Variants in HUWE1 observed in about 807,000 individuals in gnomAD.
HUWE1 encodes the protein HECT, UBA and WWE domain containing E3 ubiquitin protein ligase 1.
HUWE1 carries 18 observed loss-of-function variants against 299.4 expected under a neutral mutation model. That is an observed-to-expected ratio of 0.06 (90% CI 0.04 to 0.09). HUWE1 has a LOEUF of 0.09. HUWE1 is among the 10% of genes least tolerant of loss of function. The probability of loss-of-function intolerance (pLI) is 1.00; values close to 1 mark genes in which losing one functional copy is unlikely to be tolerated. For missense variants in HUWE1, 1,832 were observed against 3,462.3 expected, an observed-to-expected ratio of 0.53 and a Z score of 11.82; for synonymous variants, 1,317 against 1,286.1, an observed-to-expected ratio of 1.02 and a Z score of -0.51.
At chrX:53,636,857 A>G (rs1557026823) in intron 7 of HUWE1, among the ~76,000 whole-genome samples, 1 of 112,590 alleles carries the variant, frequency 8.9e-6, no homozygotes, top group Non-Finnish European at 1.9e-5. Context: ...TGAGATAACC[A>G]TAGATGGCAC....
rs782435818 is a variant in HUWE1 at position 53,536,287 on chromosome X, C to T, written c.12426-35G>A. 6 of 1,147,741 alleles carry T rather than the reference C, an allele frequency of 5.2e-6. No individual in the cohort carries two copies. The South Asian group carries it at 5.4e-5, about 10-fold the overall frequency. The allele number at this position is 1,147,741 out of a possible 1,213,427, so 94.6% of individuals were successfully genotyped here. On this transcript the variant is annotated intron_variant, in intron 79 of 83. Transcript: ENST00000262854. ...CACAATTATACAGGGTCATGGTTTG[C>T]GAGTGGGGGGGAAGAAGGAGCACAA...
intron 2 of HUWE1, chrX:53,680,524 A>C (rs1337284424): frequency 3.5e-5 from 4 of 115,376 alleles, no homozygotes; most frequent in African/African-American, 1.3e-4. Context: ...CTGTGAAAAA[A>C]AACAACAACT....
At chrX:53,546,028 A>G (rs782550636) in intron 70 of HUWE1, among the ~76,000 whole-genome samples, 9 of 111,822 alleles carry the variant, frequency 8.0e-5, no homozygotes, top group African/African-American at 2.9e-4. Flanking sequence ...AAAAGCAGAG[A>G]GTACTATTCT....
intron 15 of HUWE1, 123 bp from the exon 16 acceptor site, chrX:53,628,002 T>C: frequency 3.3e-6 from 2 of 614,579 alleles, no homozygotes; most frequent in South Asian, 2.6e-5. Context: ...GGGGAAAACA[T>C]GTGTTTTATT....
In HUWE1 at chrX:53,532,708, A is replaced by G. The variant is rs2060825473; in HGVS notation, c.*601T>C. Reference sequence around the variant, plus strand: ...GCAGGGATGGTTTCCTGGAGAATCCATCTTTTCTCCAGATGCCTAGCATGT... The same window carrying G: ...GCAGGGATGGTTTCCTGGAGAATCCGTCTTTTCTCCAGATGCCTAGCATGT... On this transcript the variant is annotated 3_prime_UTR_variant, in exon 84 of 84. Transcript: ENST00000262854. 9.1e-6 allele frequency: 1 copy of G among 109,961 alleles called. No individual in the cohort carries two copies. The highest frequency in any genetic ancestry group is 9.7e-5 in the Admixed American group (1 of 10,287). The allele number at this position is 109,961 out of a possible 1,213,427, so 9.1% of individuals were successfully genotyped here. A position where few individuals can be genotyped will look rare whatever the true frequency, so the allele number is the denominator to read the frequency against.
chrX:53,595,693 A>C (rs2064419433), intron 29 of HUWE1, among the ~76,000 whole-genome samples: 1 of 112,187 alleles, frequency 8.9e-6, no homozygotes, highest in African/African-American at 3.2e-5. Flanking sequence ...TATTTAAGTT[A>C]AATGATATCT....
chrX:53,629,669 G>A (rs1218755834), intron 12 of HUWE1, 53 bp from the exon 13 acceptor site: 1 of 805,722 alleles, frequency 1.2e-6, no homozygotes, highest in African/African-American at 2.0e-5. Flanking sequence ...TCAAGCCACT[G>A]CCCAATAACA....
intron 23 of HUWE1, among the ~76,000 whole-genome samples, chrX:53,614,246 CGA>C (rs1226512481): frequency 1.8e-5 from 2 of 110,340 alleles, no homozygotes; most frequent in Non-Finnish European, 3.8e-5. Context: ...GCATGGGCAA[CGA>C]GAGCAAAACT....
Position 53,591,021 on chromosome X carries a change from T to C in HUWE1, c.4074A>G (p.Pro1358=). The C allele has an allele frequency of 1.7e-6, 2 of 1,210,286 alleles. No individual in the cohort carries two copies. The highest frequency in any genetic ancestry group is 2.2e-6 in the Non-Finnish European group (2 of 894,663). The change falls in exon 34 of 84, where the codon CCA becomes CCG. Residue 1358 remains proline, a synonymous_variant. Coordinates refer to ENST00000262854, the MANE Select transcript of HUWE1 (RefSeq NM_031407.7). ...ATEYLLTHPP[P]IMGGVVRDLS... The stretch of plus-strand genomic sequence containing the variant: ...TTACCCGAACAACTCCTCCCATGAT[T>C]GGAGGAGGGTGGGTTAAAAGGTACT...
At chrX:53,632,077 G>A (rs782308114) in intron 9 of HUWE1, 1 of 342,784 alleles carries the variant, frequency 2.9e-6, no homozygotes, top group African/African-American at 2.6e-5. Flanking sequence ...AAACTCTTTA[G>A]TACCTCCTCA....
intron 4 of HUWE1, among the ~76,000 whole-genome samples, chrX:53,650,579 T>A (rs76012321): frequency 8.9e-6 from 1 of 112,525 alleles, no homozygotes; most frequent in African/African-American, 3.2e-5. Context: ...AGCACAACGT[T>A]AAGATATAAG....
intron 68 of HUWE1, 32 bp downstream of exon 68, chrX:53,547,641 C>G: frequency 8.3e-7 from 1 of 1,206,893 alleles, no homozygotes; most frequent in Admixed American, 2.2e-5. Flanking sequence ...ACAGTATATA[C>G]CCCACAGCTC....
In HUWE1 at chrX:53,549,490, A is replaced by G. The variant is rs781884081; in HGVS notation, c.9504T>C (p.Asn3168=). 1 of 1,206,872 alleles carries G rather than the reference A, an allele frequency of 8.3e-7. No individual in the cohort carries two copies. Among genetic ancestry groups the G allele is most frequent in the Non-Finnish European group, 1.1e-6 (1 of 894,536 alleles). ...SSSHNRPSGS[N]VDTLLRLRGR... ...CTCGGAGGCGGAGGAGAGTATCTAC[A>G]TTACTGCCAGAAGGCCTGGAAACAG... The change falls in exon 67 of 84, where the codon AAT becomes AAC. Residue 3168 remains asparagine (N), a synonymous_variant. Transcript: ENST00000262854.
chrX:53,539,795 GTGGGGT>G lies in HUWE1; in HGVS notation c.11488_11493del (p.Thr3830_Pro3831del). The G allele has an allele frequency of 1.7e-6, 2 of 1,210,141 alleles. No homozygotes were observed. Among genetic ancestry groups the G allele is most frequent in the Non-Finnish European group, 2.2e-6 (2 of 894,408 alleles). Reference sequence around the variant, plus strand: ...CTTTCTTCCTTTTCCTTCTCCCCCTGTGGGGTTCCATCGGAGGCTGGAGGGCACACA... The same window carrying G: ...CTTTCTTCCTTTTCCTTCTCCCCCTGTCCATCGGAGGCTGGAGGGCACACA... On this transcript the variant is annotated inframe_deletion, in exon 75 of 84. Coordinates refer to ENST00000262854, the MANE Select transcript of HUWE1 (RefSeq NM_031407.7).
In HUWE1 at chrX:53,543,848, G is replaced by T. The variant is rs2061447789; in HGVS notation, c.11372C>A (p.Ala3791Glu). Residue 3791 changes from alanine (A) to glutamate (E), a missense_variant, in exon 73 of 84, where the codon GCA becomes GAA. Ala to Glu is a moderately radical substitution (Grantham distance 107). Coordinates refer to ENST00000262854, the MANE Select transcript of HUWE1 (RefSeq NM_031407.7). ...EGQRARRQQQ[A>E]ATSESSQSEA... is the part of the protein sequence containing the mutation. ...CACAGGCATCATGCTAACCGTTGCT[G>T]CTTGTTGCTGTCTCCGCGCCCTTTG... The T allele has an allele frequency of 8.3e-7, 1 of 1,209,753 alleles. No homozygotes were observed. Among genetic ancestry groups the T allele is most frequent in the Non-Finnish European group, 1.1e-6 (1 of 894,849 alleles).
chrX:53,547,704 A>T lies in HUWE1; in HGVS notation c.10605T>A (p.Thr3535=), dbSNP rs1238940917. 1.7e-6 allele frequency: 2 copies of T among 1,209,833 alleles called. No individual in the cohort carries two copies. The highest frequency in any genetic ancestry group is 3.5e-5 in the African/African-American group (2 of 57,757). Residue 3535 remains threonine (T), a synonymous_variant, in exon 68 of 84, where the codon ACT becomes ACA. Transcript: ENST00000262854. ...CAGTAGTGGTAGCAGTCGTGGGGGT[A>T]GTCACTGTGGTCGAAGCAGCTACGA... ...TIVVAASTTV[T]TPTTATTTVS... is the part of the protein sequence containing the mutation.
rs190747814 is a variant in HUWE1 at position 53,635,417 on chromosome X, C to T, written c.505-1119G>A. 2.7e-4 allele frequency among the ~76,000 whole-genome samples: 30 copies of T among 110,756 alleles called. No individual in the cohort carries two copies. The East Asian group carries it at 8.4e-3, about 31-fold the overall frequency. On this transcript the variant is annotated intron_variant, in intron 7 of 83. Transcript: ENST00000262854. ...CACCACAGCCTCAAATTCCTGGGGT[C>T]AAAGGATCCTCCTGCCTCAGCCTGC...
intron 7 of HUWE1, among the ~76,000 whole-genome samples, chrX:53,644,738 C>G (rs782412912): frequency 6.2e-5 from 7 of 112,346 alleles, no homozygotes; most frequent in African/African-American, 2.3e-4. Flanking sequence ...TCTAAGAAAG[C>G]TTTCCAACAG....
intron 21 of HUWE1, 85 bp downstream of exon 21, chrX:53,616,885 T>C: frequency 1.2e-6 from 1 of 825,775 alleles, no homozygotes; most frequent in African/African-American, 2.0e-5. Flanking sequence ...ACCTAACCAG[T>C]AAAACGATGA....
Sources: allele counts gnomAD v4.1 joint callset (sites outside exome capture counted in the v4.1 genomes callset), GRCh38; gene constraint gnomAD v4.1.1; transcripts MANE v1.5; gene names NCBI Gene and HGNC (gene_info 2026-07-23, HGNC 2026-07-21).